The following NCEH1 variants were observed in gnomAD, a reference collection of about 807,000 sequenced individuals.
NCEH1 encodes the protein 2-acetyl MAGE hydrolase.
A neutral mutation model predicts 25.4 loss-of-function variants in NCEH1; 9 were observed. The observed-to-expected ratio is 0.35, with a 90% confidence interval of 0.21 to 0.62. The LOEUF (loss-of-function observed/expected upper bound fraction) is 0.62. NCEH1 is among the 20% of genes least tolerant of loss of function. NCEH1 has a pLI of 0.72. For synonymous variants in NCEH1, 200 were observed against 199.8 expected (o/e 1.00, Z -0.01); for missense variants, 412 against 501.1 (o/e 0.82, Z 1.70).
chr3:172,645,442 A>G (rs1717074820), intron 3 of NCEH1, among the ~76,000 whole-genome samples, 181 bp downstream of exon 3: 2 of 152,242 alleles, frequency 1.3e-5, no homozygotes, highest in African/African-American at 4.8e-5. Context: ...AAGCTAGTTC[A>G]ATAAATTTTG....
At chr3:172,661,591 T>C (rs1167812735) in intron 1 of NCEH1, among the ~76,000 whole-genome samples, 1 of 152,244 alleles carries the variant, frequency 6.6e-6, no homozygotes, top group Non-Finnish European at 1.5e-5. Context: ...ATATTGATTC[T>C]TCCTATCCAT....
intron 1 of NCEH1, among the ~76,000 whole-genome samples, chr3:172,675,035 T>C (rs1471643308): frequency 6.6e-6 from 1 of 152,142 alleles, no homozygotes; most frequent in African/African-American, 2.4e-5. Flanking sequence ...TGTGGCCAGG[T>C]GCGATGGCTC....
chr3:172,664,055 G>A (rs1301166524), intron 1 of NCEH1, among the ~76,000 whole-genome samples: 9 of 152,160 alleles, frequency 5.9e-5, no homozygotes, highest in East Asian at 1.9e-4. Context: ...TCCTAGCCTC[G>A]ATGGTCTTTA....
At chr3:172,680,496 G>A (rs1712290182) in intron 1 of NCEH1, among the ~76,000 whole-genome samples, 3 of 152,124 alleles carry the variant, frequency 2.0e-5, no homozygotes, top group Admixed American at 2.0e-4. Context: ...TAAACTTGCT[G>A]AGGACAGACA....
intron 3 of NCEH1, among the ~76,000 whole-genome samples, chr3:172,643,744 G>A (rs1482509001): frequency 6.6e-6 from 1 of 152,144 alleles, no homozygotes; most frequent in African/African-American, 2.4e-5. Context: ...TGTGGTAAAT[G>A]GAAAATCTGC....
At chr3:172,693,958 A>G (rs1713218434) in intron 1 of NCEH1, among the ~76,000 whole-genome samples, 1 of 152,158 alleles carries the variant, frequency 6.6e-6, no homozygotes, top group Non-Finnish European at 1.5e-5. Context: ...CAGTGGCCCA[A>G]TCATAGTACA....
intron 1 of NCEH1, among the ~76,000 whole-genome samples, chr3:172,656,015 A>G (rs1284303430): frequency 6.6e-6 from 1 of 152,224 alleles, no homozygotes; most frequent in Admixed American, 6.5e-5. Flanking sequence ...TCAAGAAGGC[A>G]GGTTGTCAAA....
chr3:172,706,820 C>T (rs924598050), intron 1 of NCEH1, among the ~76,000 whole-genome samples: 3 of 151,938 alleles, frequency 2.0e-5, no homozygotes, highest in Non-Finnish European at 4.4e-5. Context: ...TTAAATGGTG[C>T]TGCAAATAAA....
intron 1 of NCEH1, among the ~76,000 whole-genome samples, chr3:172,653,861 A>G (rs1246960904): frequency 6.7e-6 from 1 of 148,954 alleles, no homozygotes; most frequent in African/African-American, 2.5e-5. Context: ...GGTTCAAGCG[A>G]TTTTCCTGCC....
intron 1 of NCEH1, among the ~76,000 whole-genome samples, chr3:172,702,676 G>A (rs1713761094): frequency 6.6e-6 from 1 of 152,142 alleles, no homozygotes; most frequent in Non-Finnish European, 1.5e-5. Flanking sequence ...GATATAGTCA[G>A]GTTTTTCACT....
At chr3:172,643,428 A>T (rs1716958452) in intron 3 of NCEH1, among the ~76,000 whole-genome samples, 1 of 152,126 alleles carries the variant, frequency 6.6e-6, no homozygotes, top group Admixed American at 6.6e-5. Context: ...CATGAGTTTA[A>T]ATGACCTGCT....
intron 1 of NCEH1, among the ~76,000 whole-genome samples, chr3:172,654,044 C>T (rs1249398087): frequency 6.6e-6 from 1 of 152,028 alleles, no homozygotes; most frequent in Non-Finnish European, 1.5e-5. Flanking sequence ...CGTGAGCCAC[C>T]GTGCCCGGCC....
chr3:172,674,443 CAAAAAAA>C (rs146923940), intron 1 of NCEH1, among the ~76,000 whole-genome samples: 21 of 71,046 alleles, frequency 3.0e-4, no homozygotes, highest in East Asian at 7.4e-4. Flanking sequence ...ACTCTGTCTC[CAAAAAAA>C]AAAAAAAAAA....
In NCEH1 at chr3:172,631,885, AGAAG is replaced by A. The variant is rs1262248354; in HGVS notation, c.*1586_*1589del. The A allele has an allele frequency of 6.5e-6, 1 of 152,716 alleles. No homozygotes were observed. The highest frequency in any genetic ancestry group is 1.5e-5 in the Non-Finnish European group (1 of 68,096). 9.5% of individuals were successfully genotyped at this position (152,716 alleles called of 1,614,324 possible). ...CCCTAAAAGTAGCATGGATCGGGGA[AGAAG>A]GAAGGACGGCAGGAAGGCAGGCAGA... On this transcript the variant is annotated 3_prime_UTR_variant, in exon 5 of 5. Transcript: ENST00000475381.
Position 172,636,032 on chromosome 3 carries a change from C to A in NCEH1, c.493G>T (p.Ala165Ser), listed in dbSNP as rs1716582982. ...FPEQIHDVVR[A>S]TKYFLKPEVL... ...TCTGGCTTCAGGAAATACTTTGTGG[C>A]CCGTACAACATCATGAATTTGCTCA... Residue 165 changes from alanine (A) to serine (S), a missense_variant, in exon 4 of 5, where the codon GCC (alanine) becomes TCC (serine). Ala to Ser is a moderately conservative substitution (Grantham distance 99, BLOSUM62 1). Around this residue, in one of 3 missense-constraint regions of NCEH1, gnomAD observed 24 missense variants for 53.8 expected, o/e 0.45. Transcript: ENST00000475381. 1 of 1,614,020 alleles carries A rather than the reference C, an allele frequency of 6.2e-7. No homozygotes were observed. The highest frequency in any genetic ancestry group is 8.5e-7 in the Non-Finnish European group (1 of 1,179,972).
chr3:172,707,807 T>C (rs13323236), intron 1 of NCEH1, among the ~76,000 whole-genome samples: 106,829 of 151,978 alleles, frequency 0.7, 38,542 homozygotes, highest in East Asian at 0.84. Flanking sequence ...AGGATGGTCT[T>C]GATCTCCTGA....
At position 172,631,195 on chromosome 3, in the gene NCEH1, T is replaced by C. The variant is rs548591879; in HGVS notation, c.*2280A>G. On this transcript the variant is annotated 3_prime_UTR_variant, in exon 5 of 5. Transcript: ENST00000475381. ...AATCATTTGCTGTCTGCAATTACTA[T>C]AGGCTTTGGCTCACAATTCTGGGGA... is the stretch of plus-strand genomic sequence containing the variant. 3 of 152,328 alleles carry C rather than the reference T, an allele frequency of 2.0e-5. No homozygotes were observed. The highest frequency in any genetic ancestry group is 1.9e-4 in the East Asian group (1 of 5,192). 9.4% of individuals were successfully genotyped at this position (152,328 alleles called of 1,614,324 possible).
At chr3:172,678,623 A>G (rs938332712) in intron 1 of NCEH1, among the ~76,000 whole-genome samples, 2 of 152,350 alleles carry the variant, frequency 1.3e-5, no homozygotes, top group Middle Eastern at 6.8e-3. Flanking sequence ...GAATTTACAG[A>G]TAAAATACTC....
In NCEH1 at chr3:172,647,981, T is replaced by C. The variant is rs750343309; in HGVS notation, c.272A>G (p.Glu91Gly). 15 of 1,614,052 alleles carry C rather than the reference T, an allele frequency of 9.3e-6. No homozygotes were observed. Among genetic ancestry groups the C allele is most frequent in the African/African-American group, 1.3e-5 (1 of 74,912 alleles). Residue 91 changes from glutamate (E) to glycine (G), a missense_variant, in exon 2 of 5, where the codon GAA (glutamate) becomes GGA (glycine). Physicochemically the swap from Glu to Gly is moderately conservative, Grantham distance 98 (BLOSUM62 -2). Coordinates refer to ENST00000475381, the MANE Select transcript of NCEH1 (RefSeq NM_020792.6). The part of the protein sequence containing the change: ...KVTDTDFDGV[E>G]VRVFEGPPKP... ...CGGAGGGCCTTCAAACACTCTGACT[T>C]CCACACCATCAAAGTCTGTGTCGGT... is the stretch of plus-strand genomic sequence containing the variant.
Sources: allele counts gnomAD v4.1 joint callset (sites outside exome capture counted in the v4.1 genomes callset), GRCh38; gene constraint gnomAD v4.1.1; regional missense constraint gnomAD v4.1.1; transcripts MANE v1.5; gene names NCBI Gene and HGNC (gene_info 2026-07-23, HGNC 2026-07-21).